PSD3: variants seen among roughly 807,000 people sequenced by gnomAD.
PSD3 encodes pleckstrin and Sec7 domain containing 3, also known as PH and SEC7 domain-containing protein 3.
In PSD3, 49 loss-of-function variants were observed where a neutral mutation model predicts 105.5. The observed-to-expected ratio is 0.46, with a 90% CI of 0.37 to 0.59. The LOEUF is 0.59. PSD3 is among the 20% of genes least tolerant of loss of function. The pLI is 0.00. For synonymous variants in PSD3, 557 were observed against 457.8 expected (o/e 1.22, Z -2.77); for missense variants, 1,561 against 1,263.8 (o/e 1.24, Z -3.57).
At chr8:18,677,505 A>G (rs1182598968) in intron 9 of PSD3, among the ~76,000 whole-genome samples, 5 of 152,232 alleles carry the variant, frequency 3.3e-5, no homozygotes, top group Non-Finnish European at 5.9e-5. Context: ...AGGTCAGGCC[A>G]TTGCACTCTG....
intron 2 of PSD3, among the ~76,000 whole-genome samples, chr8:18,935,037 GAGA>G (rs1293277012): frequency 2.0e-5 from 3 of 152,158 alleles, no homozygotes; most frequent in Non-Finnish European, 2.9e-5. Context: ...TTGTGACTGG[GAGA>G]AGATTACTTC....
At chr8:18,927,738 C>T (rs1821464723) in intron 2 of PSD3, among the ~76,000 whole-genome samples, 1 of 152,176 alleles carries the variant, frequency 6.6e-6, no homozygotes, top group African/African-American at 2.4e-5. Context: ...CCAGCCCCGT[C>T]CTGAAGCTAC....
At chr8:18,765,374 G>C (rs1806891074) in intron 9 of PSD3, 75 bp downstream of exon 9, 2 of 1,311,630 alleles carry the variant, frequency 1.5e-6, no homozygotes, top group Admixed American at 3.4e-5. Flanking sequence ...GTGATCCTTA[G>C]CCTACTTAGG....
intron 9 of PSD3, among the ~76,000 whole-genome samples, chr8:18,662,252 T>C (rs1809401992): frequency 6.6e-6 from 1 of 152,188 alleles, no homozygotes; most frequent in Non-Finnish European, 1.5e-5. Flanking sequence ...CATCATGTAA[T>C]CATTTTTAAG....
intron 9 of PSD3, among the ~76,000 whole-genome samples, chr8:18,681,890 T>C (rs1250359458): frequency 2.0e-5 from 3 of 152,060 alleles, no homozygotes; most frequent in Non-Finnish European, 4.4e-5. Flanking sequence ...AAAAAAATAC[T>C]AATCATCTCT....
At chr8:18,875,032 C>T (rs1817639364) in intron 2 of PSD3, among the ~76,000 whole-genome samples, 1 of 152,158 alleles carries the variant, frequency 6.6e-6, no homozygotes, top group African/African-American at 2.4e-5. Context: ...CCTCTCACTC[C>T]AGCCTCTCGG....
chr8:19,076,490 T>G (rs1000269281), intron 1 of PSD3, among the ~76,000 whole-genome samples: 1 of 152,026 alleles, frequency 6.6e-6, no homozygotes, highest in African/African-American at 2.4e-5. Context: ...ATATAAAATT[T>G]TATTAAATAT....
intron 10 of PSD3, among the ~76,000 whole-genome samples, chr8:18,643,635 A>C (rs1214481884): frequency 6.6e-6 from 1 of 152,212 alleles, no homozygotes; most frequent in Non-Finnish European, 1.5e-5. Context: ...CCAAAACCAA[A>C]TAGGGAAAAC....
chr8:19,034,434 G>A (rs1252194466), intron 1 of PSD3, among the ~76,000 whole-genome samples: 1 of 152,112 alleles, frequency 6.6e-6, no homozygotes, highest in East Asian at 1.9e-4. Flanking sequence ...TTTTTAACAG[G>A]TGGTCATCCA....
At chr8:18,706,397 A>G (rs368503746) in intron 9 of PSD3, among the ~76,000 whole-genome samples, 1 of 152,186 alleles carries the variant, frequency 6.6e-6, no homozygotes, top group East Asian at 1.9e-4. Context: ...ACACAAACAC[A>G]CATTGGTTAA....
chr8:18,678,060 G>A (rs908874341), intron 9 of PSD3, among the ~76,000 whole-genome samples: 1 of 151,452 alleles, frequency 6.6e-6, no homozygotes, highest in African/African-American at 2.4e-5. Flanking sequence ...ATTAGAACAT[G>A]TTAATCTGGC....
At chr8:18,984,196 A>C (rs936178881) in intron 1 of PSD3, among the ~76,000 whole-genome samples, 2 of 130,580 alleles carry the variant, frequency 1.5e-5, no homozygotes, top group Non-Finnish European at 3.3e-5. Flanking sequence ...CAATTAAAAT[A>C]ATAATAATAA....
chr8:18,988,945 A>G (rs944521225), intron 1 of PSD3, among the ~76,000 whole-genome samples: 21 of 152,244 alleles, frequency 1.4e-4, no homozygotes, highest in African/African-American at 5.1e-4. Context: ...ACTGCAAGCC[A>G]GGGCCGAGCC....
At chr8:18,738,581 A>G (rs1474849854) in intron 9 of PSD3, among the ~76,000 whole-genome samples, 2 of 152,206 alleles carry the variant, frequency 1.3e-5, no homozygotes, top group Non-Finnish European at 2.9e-5. Context: ...AATTTTTAAT[A>G]CAGTAATCAT....
At chr8:18,567,488 T>C (rs1037591595) in intron 14 of PSD3, among the ~76,000 whole-genome samples, 1 of 152,200 alleles carries the variant, frequency 6.6e-6, no homozygotes, top group East Asian at 1.9e-4. Flanking sequence ...AGCATTCCTT[T>C]TCTTTTAAAG....
intron 9 of PSD3, among the ~76,000 whole-genome samples, chr8:18,689,415 T>C (rs1800846464): frequency 1.3e-5 from 2 of 151,934 alleles, no homozygotes; most frequent in South Asian, 2.1e-4. Flanking sequence ...ACAGAACCAT[T>C]AGTAGAAGGA....
intron 1 of PSD3, among the ~76,000 whole-genome samples, chr8:18,973,860 G>A (rs1042395441): frequency 2.0e-5 from 3 of 152,122 alleles, no homozygotes; most frequent in Non-Finnish European, 4.4e-5. Flanking sequence ...ACCAAACTTT[G>A]TGCTGATCAA....
chr8:18,650,917 A>G (rs1431671976), intron 10 of PSD3, among the ~76,000 whole-genome samples: 1 of 152,198 alleles, frequency 6.6e-6, no homozygotes, highest in Non-Finnish European at 1.5e-5. Context: ...GTGGTGCCAT[A>G]GGAGGCCATA....
At chr8:18,585,867 T>C (rs1176586336) in intron 12 of PSD3, among the ~76,000 whole-genome samples, 1 of 152,194 alleles carries the variant, frequency 6.6e-6, no homozygotes, top group Non-Finnish European at 1.5e-5. Context: ...CAGCAATTAG[T>C]TAAGTGACAG....
Sources: gnomAD v4.1 joint callset for allele counts (sites outside exome capture counted in the v4.1 genomes callset) on GRCh38, gnomAD v4.1.1 for gene constraint, MANE v1.5 for transcripts, NCBI Gene and HGNC (gene_info 2026-07-23, HGNC 2026-07-21) for gene names.